The following TRIM46 variants were observed in gnomAD, a reference collection of about 807,000 sequenced individuals.
The protein encoded by TRIM46 is tripartite motif containing 46.
Under a neutral mutation model 69.7 loss-of-function variants are expected in TRIM46, and 17 were observed. The observed-to-expected ratio is 0.24, with a 90% CI of 0.17 to 0.37. TRIM46 has a LOEUF of 0.37. Ranked by LOEUF, TRIM46 falls within the 10% of genes least tolerant of loss-of-function variation. The pLI, the probability that TRIM46 is intolerant of heterozygous loss-of-function variation, is 1.00. For missense variants in TRIM46, 675 were observed against 1,025.1 expected, an observed-to-expected ratio of 0.66 and a Z score of 4.66; for synonymous variants, 391 against 429.0, an observed-to-expected ratio of 0.91 and a Z score of 1.09.
rs372905417 is a variant in TRIM46, at chr1:155,179,734, C to A, written c.1388C>A (p.Thr463Asn). Residue 463 changes from threonine (T) to asparagine (N), a missense_variant, in exon 8 of 10, where the codon ACC (threonine) becomes AAC (asparagine). Thr to Asn is a moderately conservative substitution (Grantham distance 65). This residue lies in a region of TRIM46 where 361 missense variants were observed against 498.3 expected (regional missense o/e 0.72). Transcript: ENST00000334634. ...PPHSPPAWHY[T>N]VEFRRTDVPA... ...CATTCACCACCTGCCTGGCACTATA[C>A]CGTTGAGTTCCGGCGCACGGATGTG... 4 of 1,613,300 alleles carry A rather than the reference C, an allele frequency of 2.5e-6. No homozygotes were observed. Among genetic ancestry groups the A allele is most frequent in the Non-Finnish European group, 3.4e-6 (4 of 1,180,010 alleles).
At chr1:155,183,048 C>A (rs1164672310) in intron 9 of TRIM46, among the ~76,000 whole-genome samples, 1 of 151,450 alleles carries the variant, frequency 6.6e-6, no homozygotes, top group South Asian at 2.1e-4. Context: ...GTAGCTGGGA[C>A]TACAGGCACC....
In TRIM46 at chr1:155,184,571, C is replaced by G. The variant is rs1478636342; in HGVS notation, c.*381C>G. On this transcript the variant is annotated 3_prime_UTR_variant, in exon 10 of 10. Transcript: ENST00000334634. This position sits in a 1 kb window ranked among gnomAD's most constrained non-coding sequence, Gnocchi z 5.6. ...GGCATGATCTCCAGCTCTGCCCTTGCCCTGCCAAGCTCCCTGCCCTGTTGA... is the reference window on the plus strand; with the variant it reads ...GGCATGATCTCCAGCTCTGCCCTTGGCCTGCCAAGCTCCCTGCCCTGTTGA... 2 of 204,128 alleles carry G rather than the reference C, an allele frequency of 9.8e-6. No individual in the cohort carries two copies. The highest frequency in any genetic ancestry group is 2.0e-5 in the Non-Finnish European group (2 of 100,286). 12.6% of individuals were successfully genotyped at this position (204,128 alleles called of 1,614,324 possible).
In TRIM46 at chr1:155,177,054, C is replaced by G; in HGVS notation, c.792C>G (p.Leu264=). ...THSGHKITPV[L]SAYQALKDKL... ...GCGGGCACAAGATCACACCAGTGCT[C>G]AGTGCCTACCAGGCCCTCAAGGTAA... The change falls in exon 4 of 10, where the codon CTC becomes CTG. Residue 264 remains leucine, a synonymous_variant. Transcript: ENST00000334634. The G allele has an allele frequency of 6.2e-7, 1 of 1,613,340 alleles. No homozygotes were observed. Among genetic ancestry groups the G allele is most frequent in the Non-Finnish European group, 8.5e-7 (1 of 1,179,300 alleles).
chr1:155,178,781 C>T (rs1476523856), intron 7 of TRIM46, 168 bp downstream of exon 7: 50 of 1,514,456 alleles, frequency 3.3e-5, no homozygotes, highest in Non-Finnish European at 4.1e-5. Context: ...CCGCGCTCAG[C>T]GCTGCTTCTC....
rs186272508 is a variant in TRIM46 at position 155,175,733 on chromosome 1, T to C, written c.325+86T>C. 72 of 1,604,356 alleles carry C rather than the reference T, an allele frequency of 4.5e-5. No individual in the cohort carries two copies. In the African/African-American group the frequency reaches 7.1e-4, roughly 16 times the overall value. On this transcript the variant is annotated intron_variant, in intron 2 of 9. Coordinates refer to ENST00000334634, the MANE Select transcript of TRIM46 (RefSeq NM_025058.5). The surrounding 1 kb of genome is among the most constrained non-coding windows in gnomAD (Gnocchi z 4.2). ...AGAAGTCCATCACTGGTCAGAGGCA[T>C]CTGTCTGTCTTTCTGGGGGGTGGAG...
In TRIM46 at chr1:155,178,499, C is replaced by A. The variant is rs764812271; in HGVS notation, c.1171C>A (p.Arg391=). 3 of 1,613,536 alleles carry A rather than the reference C, an allele frequency of 1.9e-6. No individual in the cohort carries two copies. The African/African-American group carries it at 4.0e-5, about 22-fold the overall frequency. The part of the protein sequence containing the change: ...AAKQLHNRIA[R]ATEALQTFRP... Reference sequence around the variant, plus strand: ...TTCTTGCCCCCATCCCAGGATTGCCCGAGCCACTGAAGCCCTCCAGACATT... The same window carrying A: ...TTCTTGCCCCCATCCCAGGATTGCCAGAGCCACTGAAGCCCTCCAGACATT... The change falls in exon 7 of 10, where the codon CGA becomes AGA. Residue 391 remains arginine, a synonymous_variant. Transcript: ENST00000334634.
At chr1:155,179,237 T>C (rs1394742615) in intron 7 of TRIM46, among the ~76,000 whole-genome samples, 1 of 152,164 alleles carries the variant, frequency 6.6e-6, no homozygotes, top group Admixed American at 6.5e-5. Context: ...CCAGTGGCCT[T>C]TGCCTGCCCC....
At chr1:155,174,675 C>A (rs932811517) in intron 1 of TRIM46, 3 of 1,457,510 alleles carry the variant, frequency 2.1e-6, no homozygotes, top group African/African-American at 2.9e-5. Flanking sequence ...GCCTGAGGAC[C>A]CCCACTCTCG....
intron 3 of TRIM46, 90 bp from the exon 4 acceptor site, chr1:155,176,842 G>A (rs1665695394): frequency 6.6e-7 from 1 of 1,517,490 alleles, no homozygotes; most frequent in Non-Finnish European, 9.0e-7. Flanking sequence ...CATCTTGCCA[G>A]TGGAGGAGGG....
At chr1:155,177,391 G>A in intron 5 of TRIM46, 101 bp downstream of exon 5, 1 of 1,055,554 alleles carries the variant, frequency 9.5e-7, no homozygotes, top group Non-Finnish European at 1.5e-6. Flanking sequence ...GCTAGCTCAG[G>A]AAGCCCGTGA....
At chr1:155,176,299 C>A (rs1207657456) in intron 3 of TRIM46, 68 bp downstream of exon 3, 1 of 1,435,584 alleles carries the variant, frequency 7.0e-7, no homozygotes, top group Non-Finnish European at 9.3e-7. Context: ...GGGTGCCTGG[C>A]ATTGTGGGTT....
At chr1:155,183,524 G>T (rs1226664040) in intron 9 of TRIM46, among the ~76,000 whole-genome samples, 1 of 151,936 alleles carries the variant, frequency 6.6e-6, no homozygotes, top group African/African-American at 2.4e-5. Context: ...TTTTCTCAAT[G>T]CCTTTCCGCG....
At position 155,184,279 on chromosome 1, in the gene TRIM46, T is replaced by G. The variant is rs1666389384; in HGVS notation, c.*89T>G. 7.3e-7 allele frequency: 1 copy of G among 1,374,480 alleles called. No individual in the cohort carries two copies. Among genetic ancestry groups the G allele is most frequent in the Non-Finnish European group, 9.6e-7 (1 of 1,037,712 alleles). The allele number at this position is 1,374,480 out of a possible 1,614,324, so 85.1% of individuals were successfully genotyped here. ...ACCCGGTTGTTACCCCCTGGCAGCT[T>G]CTCCCCCAAACTCTCCTACCATGTG... On this transcript the variant is annotated 3_prime_UTR_variant, in exon 10 of 10. Transcript: ENST00000334634. This position sits in a 1 kb window ranked among gnomAD's most constrained non-coding sequence, Gnocchi z 5.6.
intron 8 of TRIM46, chr1:155,180,488 G>A (rs904875777): frequency 6.9e-5 from 29 of 418,246 alleles, no homozygotes; most frequent in Admixed American, 6.2e-4. Context: ...CCAGCTACTC[G>A]GGAGGCTGAG....
chr1:155,179,882 C>A lies in TRIM46; in HGVS notation c.1536C>A (p.Ala512=). The A allele has an allele frequency of 6.2e-7, 1 of 1,608,670 alleles. No homozygotes were observed. The highest frequency in any genetic ancestry group is 8.5e-7 in the Non-Finnish European group (1 of 1,176,154). The change falls in exon 8 of 10, where the codon GCC becomes GCA. Residue 512 remains alanine (A), a synonymous_variant. Transcript: ENST00000334634. The stretch of plus-strand genomic sequence containing the variant: ...TGCGTGTCCGCGGCTGCAACAAGGC[C>A]GGCTACGGCGAATACAGTGAAGATG... The part of the protein sequence containing the change: ...YVLRVRGCNK[A]GYGEYSEDVH...
intron 7 of TRIM46, among the ~76,000 whole-genome samples, chr1:155,179,227 C>G (rs1665950337): frequency 6.6e-6 from 1 of 152,150 alleles, no homozygotes; most frequent in African/African-American, 2.4e-5. Flanking sequence ...CCTGTGGGCT[C>G]CAGTGGCCTT....
chr1:155,174,674 C>T, intron 1 of TRIM46: 1 of 1,461,926 alleles, frequency 6.8e-7, no homozygotes, highest in Non-Finnish European at 9.0e-7. Context: ...AGCCTGAGGA[C>T]CCCCACTCTC....
At position 155,173,989 on chromosome 1, in the gene TRIM46, A is replaced by T; in HGVS notation, c.23A>T (p.Gln8Leu). The change falls in exon 1 of 10, where the codon CAG (glutamine) becomes CTG (leucine). Residue 8 changes from glutamine (Q) to leucine (L), a missense_variant. This residue lies in a region of TRIM46 where 170 missense variants were observed against 255.6 expected (regional missense o/e 0.67). Transcript: ENST00000334634. MAEGEDM[Q>L]TFTSIMDALV... ...GCCATGGCAGAGGGTGAGGATATGC[A>T]GACCTTCACTTCCATCATGGACGCA... 1 of 1,575,156 alleles carries T rather than the reference A, an allele frequency of 6.3e-7. No individual in the cohort carries two copies. The highest frequency in any genetic ancestry group is 2.4e-5 in the East Asian group (1 of 42,522).
Position 155,184,371 on chromosome 1 carries a change from C to T in TRIM46, c.*181C>T. The T allele has an allele frequency of 1.4e-6, 1 of 690,082 alleles. No homozygotes were observed. The highest frequency in any genetic ancestry group is 2.4e-6 in the Non-Finnish European group (1 of 423,976). The allele number at this position is 690,082 out of a possible 1,614,324, so 42.7% of individuals were successfully genotyped here. On this transcript the variant is annotated 3_prime_UTR_variant, in exon 10 of 10. Transcript: ENST00000334634. This position sits in a 1 kb window ranked among gnomAD's most constrained non-coding sequence, Gnocchi z 5.6. Reference sequence around the variant, plus strand: ...CTTGACCCAGGGGCTCTCTTCTGCCCACCTCTCTGGATGGCCCCCGTTCTC... The same window carrying T: ...CTTGACCCAGGGGCTCTCTTCTGCCTACCTCTCTGGATGGCCCCCGTTCTC...
Sources: allele counts gnomAD v4.1 joint callset (sites outside exome capture counted in the v4.1 genomes callset), GRCh38; gene constraint gnomAD v4.1.1; regional missense constraint gnomAD v4.1.1; non-coding constraint Gnocchi (gnomAD v3.1); transcripts MANE v1.5; gene names NCBI Gene and HGNC (gene_info 2026-07-23, HGNC 2026-07-21).